The following ACAD11 variants were observed in gnomAD, a reference collection of about 807,000 sequenced individuals.
ACAD11 encodes acyl-CoA dehydrogenase family member 11, also known as acyl-Coenzyme A dehydrogenase family, member 11.
Under a neutral mutation model 102.2 loss-of-function variants are expected in ACAD11, and 83 were observed. That is an observed-to-expected ratio of 0.81 (90% CI 0.68 to 0.97). The LOEUF (loss-of-function observed/expected upper bound fraction) is 0.97, where lower values mean the gene tolerates loss of function less well. ACAD11 is among the 50% of genes least tolerant of loss of function. The pLI is 0.00. For missense variants in ACAD11, 901 were observed against 951.7 expected (o/e 0.95, Z 0.70); for synonymous variants, 324 against 319.8 (o/e 1.01, Z -0.14).
At chr3:132,611,906 T>C (rs950838152) in intron 11 of ACAD11, among the ~76,000 whole-genome samples, 3 of 151,974 alleles carry the variant, frequency 2.0e-5, no homozygotes, top group Admixed American at 6.6e-5. Flanking sequence ...AAAAAGAGCC[T>C]GCATCGCCAA....
intron 4 of ACAD11, among the ~76,000 whole-genome samples, chr3:132,641,557 T>TGAAGAAGAAGAAGAAGAAGAA (rs1347083217): frequency 9.9e-6 from 1 of 100,804 alleles, no homozygotes; most frequent in African/African-American, 4.7e-5. Flanking sequence ...ATGATGATGA[T>TGAAGAAGAAGAAGAAGAAGAA]GATGAAGAAG....
chr3:132,584,980 A>T (rs1354762933), intron 13 of ACAD11, among the ~76,000 whole-genome samples: 1 of 152,226 alleles, frequency 6.6e-6, no homozygotes, highest in Non-Finnish European at 1.5e-5. Flanking sequence ...TCTTCACAGA[A>T]TTGGAAAAAA....
intron 5 of ACAD11, among the ~76,000 whole-genome samples, chr3:132,634,996 T>C (rs1940219462): frequency 6.6e-6 from 1 of 151,436 alleles, no homozygotes; most frequent in South Asian, 2.1e-4. Flanking sequence ...ATGGCACATG[T>C]ATACATACGT....
At chr3:132,601,081 G>A in intron 13 of ACAD11, 11 of 1,613,906 alleles carry the variant, frequency 6.8e-6, no homozygotes, top group Non-Finnish European at 9.3e-6. Flanking sequence ...GGACACTCAT[G>A]AAGATGCCAA....
intron 13 of ACAD11, among the ~76,000 whole-genome samples, chr3:132,598,142 T>C (rs1938397704): frequency 6.6e-6 from 1 of 152,140 alleles, no homozygotes; most frequent in Non-Finnish European, 1.5e-5. Context: ...ATAAGAATAT[T>C]TGAGATACTT....
At chr3:132,579,354 T>C in intron 14 of ACAD11, 138 bp downstream of exon 14, 2 of 726,702 alleles carry the variant, frequency 2.8e-6, no homozygotes, top group Admixed American at 3.1e-5. Flanking sequence ...ACTTGTGAAA[T>C]ACAAATATAT....
intron 1 of ACAD11, among the ~76,000 whole-genome samples, chr3:132,650,790 C>T (rs984130250): frequency 6.6e-6 from 1 of 152,116 alleles, no homozygotes; most frequent in African/African-American, 2.4e-5. Flanking sequence ...TTGAGACCAC[C>T]GGAACTGGTT....
At chr3:132,596,036 C>CAA (rs1938291337) in intron 13 of ACAD11, among the ~76,000 whole-genome samples, 1 of 152,114 alleles carries the variant, frequency 6.6e-6, no homozygotes, top group African/African-American at 2.4e-5. Flanking sequence ...TAAATATTTG[C>CAA]CCATCAATGA....
chr3:132,627,065 A>C (rs1174077570), intron 8 of ACAD11: 4 of 307,496 alleles, frequency 1.3e-5, no homozygotes, highest in African/African-American at 8.7e-5. Flanking sequence ...GCATCACCTC[A>C]AGCAATGTTA....
intron 1 of ACAD11, chr3:132,654,745 G>A (rs767470900): frequency 6.6e-5 from 10 of 152,232 alleles, no homozygotes; most frequent in African/African-American, 1.2e-4. Flanking sequence ...TACTTGCTGT[G>A]TTTCCCTTCT....
At position 132,658,274 on chromosome 3, in the gene ACAD11, ATG is replaced by A. The variant is rs1278475712; in HGVS notation, c.149+1327_149+1328del. 2.6e-5 allele frequency among the ~76,000 whole-genome samples: 4 copies of A among 152,310 alleles called. No individual in the cohort carries two copies. The East Asian group carries it at 7.7e-4, about 29-fold the overall frequency. ...ACTTTTTCATGTGTCCTAGAAATGA[ATG>A]TGTGTTCTCTGTGGGATCCAGAGTT... On this transcript the variant is annotated intron_variant, in intron 1 of 19. Transcript: ENST00000264990.
rs549553174 is a variant in ACAD11, at chr3:132,575,257, T to C, written c.2001+515A>G. Among the ~76,000 whole-genome samples the C allele has an allele frequency of 3.4e-3, 516 of 152,332 alleles. 2 individuals are homozygous for C. The highest frequency in any genetic ancestry group is 0.012 in the African/African-American group (492 of 41,580). On this transcript the variant is annotated intron_variant, in intron 17 of 19. Coordinates refer to ENST00000264990, the MANE Select transcript of ACAD11 (RefSeq NM_032169.5). ...AGATGATAATTCAAAAAGTCATGAA[T>C]ATCTCACAAAATGTTGGTCCCATTT...
chr3:132,584,780 C>G (rs1011615611), intron 13 of ACAD11, among the ~76,000 whole-genome samples: 1 of 152,098 alleles, frequency 6.6e-6, no homozygotes, highest in Non-Finnish European at 1.5e-5. Context: ...AGGAATCCAA[C>G]TTACAAGGGA....
chr3:132,626,554 G>T, intron 9 of ACAD11, 137 bp downstream of exon 9: 2 of 983,370 alleles, frequency 2.0e-6, no homozygotes, highest in Non-Finnish European at 1.5e-6. Context: ...TCGTGGCTTA[G>T]TTCTAAGGTG....
chr3:132,638,945 C>T (rs1032749202), intron 5 of ACAD11, among the ~76,000 whole-genome samples: 1 of 152,108 alleles, frequency 6.6e-6, no homozygotes, highest in East Asian at 1.9e-4. Flanking sequence ...TGTAGGTGCT[C>T]AGTGGAGGAT....
At chr3:132,567,781 T>A (rs1430751278) in intron 17 of ACAD11, among the ~76,000 whole-genome samples, 2 of 152,128 alleles carry the variant, frequency 1.3e-5, no homozygotes, top group African/African-American at 4.8e-5. Flanking sequence ...ACATTATACC[T>A]AACATTCCCC....
At chr3:132,644,301 G>A (rs1293836059) in intron 2 of ACAD11, among the ~76,000 whole-genome samples, 2 of 152,180 alleles carry the variant, frequency 1.3e-5, no homozygotes, top group South Asian at 4.1e-4. Context: ...GAAAAACCTA[G>A]TTTTCAACAA....
At chr3:132,637,373 G>A (rs1201763834) in intron 5 of ACAD11, among the ~76,000 whole-genome samples, 3 of 152,002 alleles carry the variant, frequency 2.0e-5, no homozygotes, top group Non-Finnish European at 4.4e-5. Flanking sequence ...GGCTTATGTA[G>A]GATAAGAAGT....
intron 7 of ACAD11, among the ~76,000 whole-genome samples, chr3:132,629,583 C>T (rs1315035868): frequency 6.6e-6 from 1 of 152,144 alleles, no homozygotes; most frequent in Admixed American, 6.5e-5. Flanking sequence ...CAGAGACATA[C>T]CCATTTTGAG....
Sources: gnomAD v4.1 joint callset for allele counts (sites outside exome capture counted in the v4.1 genomes callset) on GRCh38, gnomAD v4.1.1 for gene constraint, MANE v1.5 for transcripts, NCBI Gene and HGNC (gene_info 2026-07-23, HGNC 2026-07-21) for gene names.